TMEM232: variants seen among roughly 807,000 people sequenced by gnomAD.
TMEM232 encodes transmembrane protein 232.
TMEM232 carries 80 observed loss-of-function variants against 78.8 expected under a neutral mutation model. That is an observed-to-expected ratio of 1.01 (90% confidence interval 0.85 to 1.22). The LOEUF (loss-of-function observed/expected upper bound fraction) is 1.22, where lower values mean the gene tolerates loss of function less well. TMEM232 is among the 50% of genes most tolerant of loss of function. TMEM232 has a pLI of 0.00. For synonymous variants in TMEM232, 297 were observed against 254.3 expected (o/e 1.17, Z -1.60); for missense variants, 881 against 742.2 (o/e 1.19, Z -2.17).
At chr5:110,674,763 T>A (rs1459903598) in intron 1 of TMEM232, among the ~76,000 whole-genome samples, 1 of 152,198 alleles carries the variant, frequency 6.6e-6, no homozygotes, top group Non-Finnish European at 1.5e-5. Context: ...GTCGACCACA[T>A]CGTGCAATGT....
rs556144865 is a variant in TMEM232, at chr5:110,640,283, A to G, written c.343+608T>C. On this transcript the variant is annotated intron_variant, in intron 4 of 13. Coordinates refer to ENST00000455884, the MANE Select transcript of TMEM232 (RefSeq NM_001039763.4). The stretch of plus-strand genomic sequence containing the variant: ...CAGATAGCACTACAAAACCTAATTT[A>G]CATGGGGGAAATTCTCTCTGAGCTC... Among the ~76,000 whole-genome samples the G allele has an allele frequency of 4.6e-5, 7 of 152,332 alleles. No individual in the cohort carries two copies. The South Asian group carries it at 1.4e-3, about 32-fold the overall frequency.
At chr5:110,620,578 TC>T in intron 7 of TMEM232, among the ~76,000 whole-genome samples, 1 of 1,668 alleles carries the variant, frequency 6.0e-4, no homozygotes, top group East Asian at 0.017. Flanking sequence ...GTCTCTCATA[TC>T]TCTCTCTCTC....
At chr5:110,642,218 A>G in intron 3 of TMEM232, 42 bp downstream of exon 3, 1 of 1,257,214 alleles carries the variant, frequency 8.0e-7, no homozygotes, top group Non-Finnish European at 1.1e-6. Flanking sequence ...ACCAACTAGA[A>G]AGGAAGTTAA....
chr5:110,564,485 AAGTTT>A (rs1776104391), intron 11 of TMEM232, among the ~76,000 whole-genome samples: 1 of 152,000 alleles, frequency 6.6e-6, no homozygotes, highest in Non-Finnish European at 1.5e-5. Flanking sequence ...CTTTAACAAA[AAGTTT>A]AGTATTGGCA....
intron 10 of TMEM232, among the ~76,000 whole-genome samples, chr5:110,591,145 T>C (rs757199447): frequency 1.3e-5 from 2 of 152,200 alleles, no homozygotes; most frequent in African/African-American, 2.4e-5. Context: ...AAAGGCTTTA[T>C]GTAAAAATGG....
intron 10 of TMEM232, among the ~76,000 whole-genome samples, chr5:110,577,237 G>A (rs965488154): frequency 7.9e-5 from 12 of 152,002 alleles, no homozygotes; most frequent in African/African-American, 2.2e-4. Context: ...CATCTCAAAA[G>A]AAGACACACA....
At chr5:110,641,987 A>T (rs1786797175) in intron 3 of TMEM232, among the ~76,000 whole-genome samples, 1 of 152,136 alleles carries the variant, frequency 6.6e-6, no homozygotes, top group Non-Finnish European at 1.5e-5. Context: ...CTTTTTTTAA[A>T]AAAATATAAT....
chr5:110,721,655 A>G (rs368399387), intron 1 of TMEM232, among the ~76,000 whole-genome samples: 25 of 98,806 alleles, frequency 2.5e-4, no homozygotes, highest in South Asian at 1.6e-3. Flanking sequence ...TCTGCATATC[A>G]TGTGTGTGTG....
intron 10 of TMEM232, among the ~76,000 whole-genome samples, chr5:110,590,360 A>G (rs1053564013): frequency 6.6e-6 from 1 of 152,126 alleles, no homozygotes; most frequent in Non-Finnish European, 1.5e-5. Context: ...TGGGCCATAC[A>G]ATAGGAGATG....
intron 2 of TMEM232, among the ~76,000 whole-genome samples, chr5:110,654,192 G>A (rs1213193007): frequency 6.6e-6 from 1 of 152,126 alleles, no homozygotes; most frequent in East Asian, 1.9e-4. Context: ...ATGCCCCCTG[G>A]CCATTGCTGA....
intron 1 of TMEM232, among the ~76,000 whole-genome samples, chr5:110,694,389 G>C (rs1193773853): frequency 6.6e-6 from 1 of 152,140 alleles, no homozygotes; most frequent in African/African-American, 2.4e-5. Flanking sequence ...GGAAGAAACT[G>C]CATCAACTAA....
chr5:110,606,690 A>G (rs540980027), intron 8 of TMEM232, among the ~76,000 whole-genome samples: 14 of 152,014 alleles, frequency 9.2e-5, no homozygotes, highest in African/African-American at 3.1e-4. Flanking sequence ...AAACACAGCA[A>G]TTTTTTAAAA....
intron 12 of TMEM232, among the ~76,000 whole-genome samples, chr5:110,476,397 A>G (rs1039414508): frequency 6.6e-6 from 1 of 151,968 alleles, no homozygotes; most frequent in Non-Finnish European, 1.5e-5. Context: ...CAAGTCAAAG[A>G]AAAGGACTCC....
intron 12 of TMEM232, among the ~76,000 whole-genome samples, chr5:110,459,921 G>C (rs1022035789): frequency 3.3e-5 from 5 of 152,120 alleles, no homozygotes; most frequent in Admixed American, 6.5e-5. Context: ...CTCAAGCTGA[G>C]TTTCATTCTA....
intron 11 of TMEM232, among the ~76,000 whole-genome samples, chr5:110,546,523 T>C (rs958232660): frequency 3.3e-5 from 5 of 152,110 alleles, no homozygotes; most frequent in Admixed American, 1.3e-4. Flanking sequence ...TCACTCTATG[T>C]AGGTAATAAT....
intron 10 of TMEM232, among the ~76,000 whole-genome samples, chr5:110,587,796 C>T (rs75438329): frequency 0.053 from 7,548 of 142,478 alleles, 427 homozygotes; most frequent in East Asian, 0.26. Flanking sequence ...TCAATTATAC[C>T]TCAATAAAAT....
chr5:110,711,448 G>A (rs771027546), intron 1 of TMEM232, among the ~76,000 whole-genome samples: 8 of 152,014 alleles, frequency 5.3e-5, no homozygotes, highest in Non-Finnish European at 1.2e-4. Flanking sequence ...GACCCAGAAC[G>A]GCCAAAGCTA....
intron 1 of TMEM232, among the ~76,000 whole-genome samples, chr5:110,680,021 C>T (rs1792517991): frequency 6.6e-6 from 1 of 152,124 alleles, no homozygotes. Flanking sequence ...CATCCTAACT[C>T]CAGACCTATT....
chr5:110,545,834 G>T (rs1199450909), intron 11 of TMEM232, among the ~76,000 whole-genome samples: 1 of 151,990 alleles, frequency 6.6e-6, no homozygotes, highest in African/African-American at 2.4e-5. Flanking sequence ...ATACCAGATG[G>T]CAGAAAACAC....
Sources: gnomAD v4.1 joint callset for allele counts (sites outside exome capture counted in the v4.1 genomes callset) on GRCh38, gnomAD v4.1.1 for gene constraint, MANE v1.5 for transcripts, NCBI Gene and HGNC (gene_info 2026-07-23, HGNC 2026-07-21) for gene names.